The following RBM46 variants were observed in gnomAD, a reference collection of about 807,000 sequenced individuals.
The protein encoded by RBM46 is probable RNA-binding protein 46.
A neutral mutation model predicts 43.3 loss-of-function variants in RBM46; 12 were observed. The ratio of observed to expected loss-of-function variants is 0.28; its 90% confidence interval spans 0.18 to 0.45. The LOEUF (loss-of-function observed/expected upper bound fraction) is 0.45. RBM46 is among the 20% of genes least tolerant of loss of function. The probability of loss-of-function intolerance (pLI) is 1.00; values close to 1 mark genes in which losing one functional copy is unlikely to be tolerated. For synonymous variants in RBM46, 205 were observed against 207.6 expected (o/e 0.99, Z 0.11); for missense variants, 412 against 639.1 (o/e 0.64, Z 3.83).
intron 3 of RBM46, 135 bp from the exon 4 acceptor site, chr4:154,798,647 T>C (rs1292990619): frequency 1.5e-6 from 1 of 660,138 alleles, no homozygotes; most frequent in Non-Finnish European, 2.3e-6. Flanking sequence ...TTTGTGTGAA[T>C]AGGAAACAAA....
chr4:154,807,201 C>T (rs1734947973), intron 4 of RBM46, among the ~76,000 whole-genome samples: 1 of 151,672 alleles, frequency 6.6e-6, no homozygotes, highest in African/African-American at 2.4e-5. Flanking sequence ...AATTTTGCCA[C>T]ATGATGTCCC....
intron 4 of RBM46, among the ~76,000 whole-genome samples, chr4:154,803,661 C>G (rs1365295436): frequency 2.3e-5 from 3 of 132,532 alleles, no homozygotes; most frequent in Non-Finnish European, 4.6e-5. Context: ...CGACATCAAG[C>G]CACTGCACTC....
intron 4 of RBM46, chr4:154,827,318 A>G (rs1360784215): frequency 6.3e-6 from 6 of 956,552 alleles, no homozygotes; most frequent in Non-Finnish European, 7.5e-6. Flanking sequence ...TACCAGTAGG[A>G]CTTTTAATGT....
In RBM46 at chr4:154,828,061, C is replaced by G. The variant is rs781715160; in HGVS notation, c.1596C>G (p.Phe532Leu). The G allele has an allele frequency of 2.4e-5, 39 of 1,605,904 alleles. No individual in the cohort carries two copies. In the South Asian group the frequency reaches 4.3e-4, roughly 18 times the overall value. ...TATGTATCTCCAATCAGGCCTCCTT[C>G]TTCTGAAGAAAATACTAACATTAGT... is the stretch of plus-strand genomic sequence containing the variant. ...QRLCISNQAS[F>L]F Residue 532 changes from phenylalanine (F) to leucine (L), a missense_variant, in exon 5 of 5, where the codon TTC (phenylalanine) becomes TTG (leucine). This residue lies in a region of RBM46 where 149 missense variants were observed against 156.3 expected (regional missense o/e 0.95). Transcript: ENST00000281722.
At chr4:154,784,308 T>C (rs1733652187) in intron 1 of RBM46, among the ~76,000 whole-genome samples, 1 of 152,234 alleles carries the variant, frequency 6.6e-6, no homozygotes, top group African/African-American at 2.4e-5. Context: ...TTTAAATAAT[T>C]TTCATTAATG....
chr4:154,800,003 C>T (rs1296047325), intron 4 of RBM46, among the ~76,000 whole-genome samples: 2 of 152,102 alleles, frequency 1.3e-5, no homozygotes, highest in Admixed American at 1.3e-4. Flanking sequence ...GATCTCCTGA[C>T]CTCGTGATCT....
intron 4 of RBM46, among the ~76,000 whole-genome samples, chr4:154,800,015 C>T (rs983205718): frequency 1.3e-5 from 2 of 152,126 alleles, no homozygotes; most frequent in African/African-American, 2.4e-5. Context: ...TCGTGATCTG[C>T]CCGCCTCGGC....
intron 4 of RBM46, among the ~76,000 whole-genome samples, chr4:154,813,362 C>T (rs1735276282): frequency 6.6e-6 from 1 of 151,844 alleles, no homozygotes. Flanking sequence ...ATAGTAGAAA[C>T]CCCTGAAATA....
In RBM46 at chr4:154,799,192, C is replaced by T. The variant is rs1234933753; in HGVS notation, c.1030C>T (p.Leu344=). ...ANKEESHPKT[L]GKLPTLPARL... ...CAAAGAAGAGAGCCACCCAAAAACT[C>T]TAGGCAAGCTGCCAACTCTTCCTGC... is the stretch of plus-strand genomic sequence containing the variant. Residue 344 remains leucine (L), a synonymous_variant, in exon 4 of 5, where the codon CTA becomes TTA. Coordinates refer to ENST00000281722, the MANE Select transcript of RBM46 (RefSeq NM_144979.5). 8.1e-6 allele frequency: 13 copies of T among 1,614,056 alleles called. No homozygotes were observed. The highest frequency in any genetic ancestry group is 1.1e-5 in the Non-Finnish European group (13 of 1,180,042).
At chr4:154,823,603 TTAG>T (rs1735821712) in intron 4 of RBM46, among the ~76,000 whole-genome samples, 2 of 151,938 alleles carry the variant, frequency 1.3e-5, no homozygotes, top group African/African-American at 2.4e-5. Context: ...CAGCTAAGAA[TTAG>T]TGGTGTTTGG....
At chr4:154,792,855 G>C (rs1338114146) in intron 1 of RBM46, among the ~76,000 whole-genome samples, 1 of 152,166 alleles carries the variant, frequency 6.6e-6, no homozygotes, top group Non-Finnish European at 1.5e-5. Flanking sequence ...ATGATGAAGA[G>C]ATCCTTATGG....
chr4:154,798,778 A>G lies in RBM46; in HGVS notation c.620-4A>G. On this transcript the variant is annotated splice_region_variant and splice_polypyrimidine_tract_variant and intron_variant, in intron 3 of 4. Transcript: ENST00000281722. ...CTCTTCAAATTATTATTTTTTTTTT[A>G]CAGGAACATTCCAACTATGGGGCCA... 4 of 1,426,494 alleles carry G rather than the reference A, an allele frequency of 2.8e-6. No homozygotes were observed. Among genetic ancestry groups the G allele is most frequent in the East Asian group, 2.6e-5 (1 of 38,828 alleles). The allele number at this position is 1,426,494 out of a possible 1,614,324, so 88.4% of individuals were successfully genotyped here.
intron 4 of RBM46, among the ~76,000 whole-genome samples, chr4:154,815,742 T>G (rs925916825): frequency 6.6e-6 from 1 of 152,072 alleles, no homozygotes; most frequent in Non-Finnish European, 1.5e-5. Flanking sequence ...CTTACCTGTT[T>G]ATTCAGGTAT....
chr4:154,822,284 A>G (rs913870467), intron 4 of RBM46, among the ~76,000 whole-genome samples: 1 of 151,532 alleles, frequency 6.6e-6, no homozygotes, highest in Non-Finnish European at 1.5e-5. Flanking sequence ...TCAGGCAGCC[A>G]CTCTAGATTA....
chr4:154,808,373 C>CT (rs1235295888), intron 4 of RBM46, among the ~76,000 whole-genome samples: 1 of 151,866 alleles, frequency 6.6e-6, no homozygotes, highest in East Asian at 1.9e-4. Flanking sequence ...ATTAGAGTTA[C>CT]TTTTTTTCTT....
At chr4:154,811,669 C>CTCTGTGTGTG (rs1491443382) in intron 4 of RBM46, among the ~76,000 whole-genome samples, 1 of 130,760 alleles carries the variant, frequency 7.6e-6, no homozygotes, top group Non-Finnish European at 1.7e-5. Context: ...GTGTGTGTGT[C>CTCTGTGTGTG]TGTGTGTGTG....
chr4:154,818,857 A>G (rs1471445541), intron 4 of RBM46, among the ~76,000 whole-genome samples: 1 of 152,172 alleles, frequency 6.6e-6, no homozygotes, highest in Non-Finnish European at 1.5e-5. Flanking sequence ...GTTTATCCTA[A>G]GAACCATTCA....
At chr4:154,791,953 T>C (rs576893813) in intron 1 of RBM46, among the ~76,000 whole-genome samples, 15 of 152,332 alleles carry the variant, frequency 9.8e-5, no homozygotes, top group African/African-American at 2.9e-4. Flanking sequence ...GTATGAATAA[T>C]TGATTTGATG....
At chr4:154,825,399 A>G (rs1735911313) in intron 4 of RBM46, among the ~76,000 whole-genome samples, 1 of 152,094 alleles carries the variant, frequency 6.6e-6, no homozygotes, top group South Asian at 2.1e-4. Flanking sequence ...TTTGGTTTGT[A>G]TTGTATTTTC....
Sources: gnomAD v4.1 joint callset for allele counts (sites outside exome capture counted in the v4.1 genomes callset) on GRCh38, gnomAD v4.1.1 for gene constraint, gnomAD v4.1.1 regional missense constraint, MANE v1.5 for transcripts, NCBI Gene and HGNC (gene_info 2026-07-23, HGNC 2026-07-21) for gene names.